The following NRXN1 variants were observed in gnomAD, a reference collection of about 807,000 sequenced individuals.
The protein encoded by NRXN1 is neurexin 1.
A neutral mutation model predicts 150.9 loss-of-function variants in NRXN1; 39 were observed. The ratio of observed to expected loss-of-function variants is 0.26; its 90% confidence interval spans 0.20 to 0.34. The LOEUF (loss-of-function observed/expected upper bound fraction) is 0.34. Among genes scored for constraint, NRXN1 ranks in the 10% least tolerant of loss-of-function variants. The probability of loss-of-function intolerance (pLI) is 1.00; values close to 1 mark genes in which losing one functional copy is unlikely to be tolerated. For synonymous variants in NRXN1, 924 were observed against 757.0 expected, an observed-to-expected ratio of 1.22 and a Z score of -3.62; for missense variants, 1,815 against 1,949.9, an observed-to-expected ratio of 0.93 and a Z score of 1.30.
At chr2:50,352,485 C>A (rs1490279387) in intron 17 of NRXN1, among the ~76,000 whole-genome samples, 1 of 151,948 alleles carries the variant, frequency 6.6e-6, no homozygotes, top group Non-Finnish European at 1.5e-5. Flanking sequence ...AACCCACAGG[C>A]AGCACTAATA....
chr2:50,213,655 A>C (rs1230720036), intron 18 of NRXN1, among the ~76,000 whole-genome samples: 1 of 151,858 alleles, frequency 6.6e-6, no homozygotes, highest in African/African-American at 2.4e-5. Flanking sequence ...ATTTTTAGGT[A>C]TTTCTAGTCA....
intron 17 of NRXN1, among the ~76,000 whole-genome samples, chr2:50,374,945 C>T (rs1181368265): frequency 6.6e-6 from 1 of 152,076 alleles, no homozygotes; most frequent in African/African-American, 2.4e-5. Context: ...TGCTGCAAGT[C>T]TATTTTTATG....
chr2:50,371,609 T>TA (rs954918911), intron 17 of NRXN1, among the ~76,000 whole-genome samples: 1 of 151,984 alleles, frequency 6.6e-6, no homozygotes, highest in African/African-American at 2.4e-5. Flanking sequence ...GATCTACGAA[T>TA]AAGTTTCAAG....
intron 2 of NRXN1, among the ~76,000 whole-genome samples, chr2:50,941,703 G>C (rs1689474610): frequency 1.3e-5 from 2 of 152,090 alleles, no homozygotes; most frequent in Non-Finnish European, 2.9e-5. Flanking sequence ...TTCCGAAAGT[G>C]TACAGTCACA....
chr2:50,952,028 G>A (rs1416750431), intron 2 of NRXN1, among the ~76,000 whole-genome samples: 4 of 142,020 alleles, frequency 2.8e-5, no homozygotes, highest in African/African-American at 7.8e-5. Context: ...GTGCAGTGGC[G>A]GGATCTCGGC....
At chr2:50,820,703 C>T (rs1180492778) in intron 5 of NRXN1, among the ~76,000 whole-genome samples, 1 of 152,130 alleles carries the variant, frequency 6.6e-6, no homozygotes, top group Admixed American at 6.6e-5. Context: ...TAAAGCAGAA[C>T]ATTGTTGTTT....
chr2:50,419,350 CT>C (rs1402928430), intron 17 of NRXN1, among the ~76,000 whole-genome samples: 1 of 152,056 alleles, frequency 6.6e-6, no homozygotes, highest in East Asian at 1.9e-4. Flanking sequence ...AGTTTGGTTG[CT>C]TGGCTAAAGT....
chr2:50,469,328 C>T (rs2089235151), intron 16 of NRXN1, among the ~76,000 whole-genome samples: 1 of 151,568 alleles, frequency 6.6e-6, no homozygotes, highest in Non-Finnish European at 1.5e-5. Context: ...CCATTACTCC[C>T]TGAAATAAAT....
At chr2:50,209,434 C>T (rs560756614) in intron 18 of NRXN1, among the ~76,000 whole-genome samples, 2 of 152,212 alleles carry the variant, frequency 1.3e-5, no homozygotes, top group East Asian at 3.9e-4. Flanking sequence ...AACTCCATGA[C>T]GTGGGTAGTA....
At chr2:50,533,882 G>A (rs1350284008) in intron 10 of NRXN1, among the ~76,000 whole-genome samples, 3 of 152,130 alleles carry the variant, frequency 2.0e-5, no homozygotes, top group Non-Finnish European at 2.9e-5. Flanking sequence ...AGAGAGACCT[G>A]CTACCCACTC....
At chr2:50,141,495 G>C (rs1039287289) in intron 18 of NRXN1, among the ~76,000 whole-genome samples, 6 of 151,830 alleles carry the variant, frequency 4.0e-5, no homozygotes, top group African/African-American at 1.4e-4. Context: ...GTATACCAAA[G>C]GAAAAAATCA....
At chr2:50,123,961 C>T (rs187716077) in intron 18 of NRXN1, among the ~76,000 whole-genome samples, 83 of 152,028 alleles carry the variant, frequency 5.5e-4, no homozygotes, top group Non-Finnish European at 8.4e-4. Context: ...AAAATGTGGA[C>T]GTATCACATA....
intron 5 of NRXN1, among the ~76,000 whole-genome samples, chr2:50,730,877 G>C (rs910558635): frequency 6.6e-6 from 1 of 151,932 alleles, no homozygotes; most frequent in Non-Finnish European, 1.5e-5. Flanking sequence ...GTTTCACCGC[G>C]TTAGCCAGGA....
At chr2:50,902,281 C>T (rs532053828) in intron 5 of NRXN1, among the ~76,000 whole-genome samples, 3 of 151,440 alleles carry the variant, frequency 2.0e-5, no homozygotes, top group South Asian at 4.2e-4. Context: ...CTTAGAATCA[C>T]TGAAGTAAAA....
chr2:51,002,626 A>C (rs1480385025), intron 2 of NRXN1, among the ~76,000 whole-genome samples: 1 of 151,972 alleles, frequency 6.6e-6, no homozygotes, highest in Non-Finnish European at 1.5e-5. Flanking sequence ...CAGGCAAGGG[A>C]AAAAATTCTC....
chr2:50,295,930 C>G (rs2073507919), intron 17 of NRXN1, among the ~76,000 whole-genome samples: 1 of 152,154 alleles, frequency 6.6e-6, no homozygotes, highest in Non-Finnish European at 1.5e-5. Flanking sequence ...AGTAATTTCC[C>G]TAGAATTCAC....
At chr2:50,947,083 T>G (rs1002377656) in intron 2 of NRXN1, among the ~76,000 whole-genome samples, 4 of 152,136 alleles carry the variant, frequency 2.6e-5, no homozygotes, top group Non-Finnish European at 5.9e-5. Context: ...TTCCAAATGT[T>G]TCTTTCATTT....
chr2:50,390,274 TAA>T (rs1350484291), intron 17 of NRXN1, among the ~76,000 whole-genome samples: 1 of 152,168 alleles, frequency 6.6e-6, no homozygotes, highest in East Asian at 1.9e-4. Context: ...TAAGGATGAT[TAA>T]GTTTTCCTAA....
Position 50,991,623 on chromosome 2 carries a change from G to C in NRXN1, c.772+35879C>G, listed in dbSNP as rs188392203. On this transcript the variant is annotated intron_variant, in intron 2 of 22. Transcript: ENST00000401669. ...TCTATCCTCATTGTAAGCACACTTT[G>C]CATTTGTCAATGAGGCCTTTGCACT... Among the ~76,000 whole-genome samples, 52 of 152,084 alleles carry C rather than the reference G, an allele frequency of 3.4e-4. 1 individual carries two copies. The highest frequency in any genetic ancestry group is 1.2e-3 in the African/African-American group (50 of 41,512).
Sources: allele counts gnomAD v4.1 joint callset (sites outside exome capture counted in the v4.1 genomes callset), GRCh38; gene constraint gnomAD v4.1.1; transcripts MANE v1.5; gene names NCBI Gene and HGNC (gene_info 2026-07-23, HGNC 2026-07-21).